The following ADH7 variants were observed in gnomAD, a reference collection of about 807,000 sequenced individuals.
ADH7 encodes alcohol dehydrogenase 7 (class IV), mu or sigma polypeptide.
ADH7 carries 41 observed loss-of-function variants against 34.4 expected under a neutral mutation model. The ratio of observed to expected loss-of-function variants is 1.19; its 90% CI spans 0.93 to 1.55. The LOEUF (loss-of-function observed/expected upper bound fraction) is 1.55, where lower values mean the gene tolerates loss of function less well. ADH7 is among the 40% of genes most tolerant of loss of function. The pLI, the probability that ADH7 is intolerant of heterozygous loss-of-function variation, is 0.00. For synonymous variants in ADH7, 180 were observed against 160.9 expected (o/e 1.12, Z -0.90); for missense variants, 540 against 461.2 (o/e 1.17, Z -1.56).
Position 99,435,268 on chromosome 4 carries a change from A to G in ADH7, c.-35T>C, listed in dbSNP as rs150497747. On this transcript the variant is annotated 5_prime_UTR_variant, in exon 1 of 9. The change abolishes an upstream ATG in the 5' untranslated region. Transcript: ENST00000437033. ...GTCTTGGATCTGTATTTCTGCAAAC[A>G]TAGACTTTTTCTGACTGATGCTCAG... 654 of 1,613,212 alleles carry G rather than the reference A, an allele frequency of 4.1e-4. 7 individuals are homozygous for G. In the East Asian group the frequency reaches 8.5e-3, roughly 21 times the overall value.
At position 99,427,854 on chromosome 4, in the gene ADH7, A is replaced by C; in HGVS notation, c.483T>G (p.Asp161Glu). 6.2e-7 allele frequency: 1 copy of C among 1,613,288 alleles called. No homozygotes were observed. The highest frequency in any genetic ancestry group is 8.5e-7 in the Non-Finnish European group (1 of 1,179,598). Residue 161 changes from aspartate to glutamate, a missense_variant, in exon 5 of 9, where the codon GAT becomes GAG. By Grantham distance (45) the Asp-to-Glu change is conservative (BLOSUM62 2). Coordinates refer to ENST00000437033, the MANE Select transcript of ADH7 (RefSeq NM_000673.7). The stretch of plus-strand genomic sequence containing the variant: ...AGACTTTCTCAGGAGGAGCTGCATC[A>C]TCAATCTTAGCAACAGAAGATTCAT... ...VVDESSVAKI[D>E]DAAPPEKVCL...
Position 99,415,550 on chromosome 4 carries a change from T to C in ADH7, c.1028A>G (p.Asp343Gly), listed in dbSNP as rs1158473673. The C allele has an allele frequency of 3.7e-6, 6 of 1,613,558 alleles. No individual in the cohort carries two copies. The highest frequency in any genetic ancestry group is 5.1e-6 in the Non-Finnish European group (6 of 1,179,730). The change falls in exon 8 of 9, where the codon GAC (aspartate) becomes GGC (glycine). Residue 343 changes from aspartate (D) to glycine (G), a missense_variant. Asp to Gly is a moderately conservative substitution (Grantham distance 94). Transcript: ENST00000437033. ...TGGTAAAACATGAGTTATCAACTGG[T>C]CCAGGTCAAATTTCTTTGCCAGGAA... ...TEFLAKKFDL[D>G]QLITHVLPFK...
At chr4:99,414,349 C>T (rs1199494905) in intron 8 of ADH7, among the ~76,000 whole-genome samples, 2 of 152,212 alleles carry the variant, frequency 1.3e-5, no homozygotes, top group East Asian at 1.9e-4. Flanking sequence ...AAATTTGGAT[C>T]TCAATATACA....
Position 99,435,272 on chromosome 4 carries a change from A to C in ADH7, c.-39T>G, listed in dbSNP as rs757776504. 3 of 1,612,812 alleles carry C rather than the reference A, an allele frequency of 1.9e-6. No homozygotes were observed. The highest frequency in any genetic ancestry group is 2.5e-6 in the Non-Finnish European group (3 of 1,179,454). ...TGGATCTGTATTTCTGCAAACATAG[A>C]CTTTTTCTGACTGATGCTCAGTTCA... On this transcript the variant is annotated 5_prime_UTR_variant, in exon 1 of 9. Transcript: ENST00000437033.
intron 5 of ADH7, among the ~76,000 whole-genome samples, chr4:99,424,908 C>G (rs1309521048): frequency 6.6e-6 from 1 of 152,050 alleles, no homozygotes; most frequent in East Asian, 1.9e-4. Flanking sequence ...ACTTCCAACA[C>G]TATGTTGAAT....
At chr4:99,423,939 A>G (rs1443187539) in intron 5 of ADH7, among the ~76,000 whole-genome samples, 1 of 151,996 alleles carries the variant, frequency 6.6e-6, no homozygotes, top group Non-Finnish European at 1.5e-5. Context: ...TGTTTTAGAC[A>G]TGAAGTCCTT....
chr4:99,425,274 A>G lies in ADH7; in HGVS notation c.564+2499T>C, dbSNP rs930021194. Reference sequence around the variant, plus strand: ...AAAGACACAGACTGGTAAATTCGATAAACAGTCGAGACCCATCAGTGTGCT... The same window carrying G: ...AAAGACACAGACTGGTAAATTCGATGAACAGTCGAGACCCATCAGTGTGCT... On this transcript the variant is annotated intron_variant, in intron 5 of 8. Transcript: ENST00000437033. Among the ~76,000 whole-genome samples, 61 of 152,334 alleles carry G rather than the reference A, an allele frequency of 4.0e-4. 1 individual carries two copies. The highest frequency in any genetic ancestry group is 1.4e-3 in the African/African-American group (60 of 41,580).
At chr4:99,419,881 T>G (rs1037180780) in intron 6 of ADH7, among the ~76,000 whole-genome samples, 6 of 152,182 alleles carry the variant, frequency 3.9e-5, no homozygotes, top group Admixed American at 1.3e-4. Flanking sequence ...AATCTGCCAC[T>G]CAATCTTGAG....
At chr4:99,427,721 C>T in intron 5 of ADH7, 52 bp downstream of exon 5, 1 of 1,252,044 alleles carries the variant, frequency 8.0e-7, no homozygotes, top group South Asian at 2.7e-5. Context: ...CCAAGCAAAT[C>T]ATTTAAGAAA....
intron 5 of ADH7, among the ~76,000 whole-genome samples, chr4:99,423,879 T>A (rs577779360): frequency 6.6e-6 from 1 of 152,254 alleles, no homozygotes; most frequent in East Asian, 1.9e-4. Context: ...GCTCTTTAGT[T>A]TAATTAGATC....
chr4:99,414,392 C>T (rs1164440063), intron 8 of ADH7, among the ~76,000 whole-genome samples: 2 of 152,194 alleles, frequency 1.3e-5, no homozygotes, highest in Non-Finnish European at 2.9e-5. Flanking sequence ...ACGTCCTTGG[C>T]ACATAGTGGA....
chr4:99,427,896 G>T lies in ADH7; in HGVS notation c.441C>A (p.Thr147=). 2 of 1,613,872 alleles carry T rather than the reference G, an allele frequency of 1.2e-6. No homozygotes were observed. Among genetic ancestry groups the T allele is most frequent in the Non-Finnish European group, 8.5e-7 (1 of 1,179,900 alleles). Residue 147 remains threonine, a synonymous_variant, in exon 5 of 9, where the codon ACC becomes ACA. Coordinates refer to ENST00000437033, the MANE Select transcript of ADH7 (RefSeq NM_000673.7). ...AAGATTCATCCACCACTGTGTACTC[G>T]GTAAATGTACTGGTGTTCATGAAGT... The part of the protein sequence containing the change: ...VHHFMNTSTF[T]EYTVVDESSV...
rs563473833 is a variant in ADH7, at chr4:99,435,274, T to C, written c.-41A>G. On this transcript the variant is annotated 5_prime_UTR_variant, in exon 1 of 9. Coordinates refer to ENST00000437033, the MANE Select transcript of ADH7 (RefSeq NM_000673.7). ...GATCTGTATTTCTGCAAACATAGAC[T>C]TTTTCTGACTGATGCTCAGTTCACT... 6.2e-7 allele frequency: 1 copy of C among 1,612,920 alleles called. No individual in the cohort carries two copies. The highest frequency in any genetic ancestry group is 1.3e-5 in the African/African-American group (1 of 75,024).
chr4:99,430,955 C>A (rs1437844891), intron 1 of ADH7, among the ~76,000 whole-genome samples: 1 of 152,052 alleles, frequency 6.6e-6, no homozygotes, highest in East Asian at 1.9e-4. Context: ...TGCCACCACG[C>A]CCAGCTAATA....
At chr4:99,434,989 A>T in intron 1 of ADH7, 1 of 1,441,870 alleles carries the variant, frequency 6.9e-7, no homozygotes, top group Non-Finnish European at 9.4e-7. Context: ...TTTTCCACCA[A>T]TGTCTTGCTG....
chr4:99,427,242 A>G (rs1721830636), intron 5 of ADH7, among the ~76,000 whole-genome samples: 1 of 152,170 alleles, frequency 6.6e-6, no homozygotes, highest in Non-Finnish European at 1.5e-5. Context: ...AACAAACACT[A>G]CTGTATTTTA....
chr4:99,423,907 C>T (rs1342762581), intron 5 of ADH7, among the ~76,000 whole-genome samples: 2 of 151,834 alleles, frequency 1.3e-5, no homozygotes, highest in African/African-American at 2.4e-5. Context: ...TCAATTTTGG[C>T]TTTTGTTGCC....
chr4:99,417,524 C>A (rs1443548488), intron 7 of ADH7, among the ~76,000 whole-genome samples: 1 of 152,144 alleles, frequency 6.6e-6, no homozygotes, highest in East Asian at 1.9e-4. Flanking sequence ...CCACCCCAGT[C>A]CTCTGGCACT....
chr4:99,422,153 G>A (rs1721680365), intron 5 of ADH7, among the ~76,000 whole-genome samples: 1 of 152,146 alleles, frequency 6.6e-6, no homozygotes, highest in African/African-American at 2.4e-5. Context: ...CCATTACTGG[G>A]TATACACCCA....
Sources: gnomAD v4.1 joint callset for allele counts (sites outside exome capture counted in the v4.1 genomes callset) on GRCh38, gnomAD v4.1.1 for gene constraint, MANE v1.5 for transcripts, NCBI Gene and HGNC (gene_info 2026-07-23, HGNC 2026-07-21) for gene names.